The following RNGTT variants were observed in gnomAD, a reference collection of about 807,000 sequenced individuals.
The protein encoded by RNGTT is mRNA-capping enzyme.
A neutral mutation model predicts 79.3 loss-of-function variants in RNGTT; 33 were observed. The observed-to-expected ratio is 0.42, with a 90% confidence interval of 0.32 to 0.56. The LOEUF is 0.56. RNGTT is among the 20% of genes least tolerant of loss of function. The pLI, the probability that RNGTT is intolerant of heterozygous loss-of-function variation, is 0.17. For synonymous variants in RNGTT, 222 were observed against 235.9 expected (o/e 0.94, Z 0.54); for missense variants, 497 against 739.1 (o/e 0.67, Z 3.80).
chr6:88,862,471 T>C (rs1185388527), intron 8 of RNGTT, among the ~76,000 whole-genome samples: 1 of 152,212 alleles, frequency 6.6e-6, no homozygotes, highest in Non-Finnish European at 1.5e-5. Flanking sequence ...CTTTTCCCCA[T>C]GCTTCATCCT....
intron 13 of RNGTT, among the ~76,000 whole-genome samples, chr6:88,680,072 C>G (rs999729151): frequency 3.3e-5 from 5 of 151,998 alleles, no homozygotes; most frequent in Non-Finnish European, 7.4e-5. Flanking sequence ...AGAGTCAAAA[C>G]AAAAAACTAA....
intron 11 of RNGTT, among the ~76,000 whole-genome samples, chr6:88,833,641 T>C (rs2127891070): frequency 6.6e-6 from 1 of 152,330 alleles, no homozygotes; most frequent in East Asian, 1.9e-4. Flanking sequence ...TCCTATGGCT[T>C]TGTTAACCTG....
chr6:88,750,125 T>G (rs147960700), intron 13 of RNGTT, among the ~76,000 whole-genome samples: 5 of 152,158 alleles, frequency 3.3e-5, no homozygotes, highest in African/African-American at 1.2e-4. Flanking sequence ...CAAACCTATT[T>G]CCAAATAGGG....
At chr6:88,666,834 T>C (rs753387856) in intron 14 of RNGTT, among the ~76,000 whole-genome samples, 4 of 152,174 alleles carry the variant, frequency 2.6e-5, no homozygotes, top group Admixed American at 6.5e-5. Context: ...GCCGAACTCA[T>C]TGCTTTAACT....
intron 13 of RNGTT, among the ~76,000 whole-genome samples, chr6:88,695,743 C>G (rs925390606): frequency 7.2e-5 from 11 of 152,172 alleles, no homozygotes; most frequent in African/African-American, 2.4e-4. Flanking sequence ...GTTATGGAAT[C>G]AACCTAAATG....
chr6:88,739,541 A>C (rs1303900400), intron 13 of RNGTT, among the ~76,000 whole-genome samples: 1 of 151,934 alleles, frequency 6.6e-6, no homozygotes, highest in Non-Finnish European at 1.5e-5. Flanking sequence ...AAGTAATTAG[A>C]GAGCTTTTGC....
chr6:88,710,847 A>AT (rs1213052701), intron 13 of RNGTT, among the ~76,000 whole-genome samples: 1 of 152,072 alleles, frequency 6.6e-6, no homozygotes, highest in Non-Finnish European at 1.5e-5. Context: ...TTTCACAGTG[A>AT]TTTTTTTTAA....
intron 2 of RNGTT, among the ~76,000 whole-genome samples, chr6:88,933,338 C>T (rs565959019): frequency 1.3e-5 from 2 of 152,180 alleles, no homozygotes; most frequent in Non-Finnish European, 2.9e-5. Context: ...CCTTACCCTG[C>T]TACCAAAAAT....
chr6:88,753,842 T>C (rs1777919827), intron 13 of RNGTT, among the ~76,000 whole-genome samples: 1 of 152,114 alleles, frequency 6.6e-6, no homozygotes, highest in Admixed American at 6.5e-5. Context: ...AGCTTCTTAC[T>C]AGGGACAGGG....
At chr6:88,842,499 G>T (rs1393205830) in intron 11 of RNGTT, among the ~76,000 whole-genome samples, 1 of 151,940 alleles carries the variant, frequency 6.6e-6, no homozygotes, top group Non-Finnish European at 1.5e-5. Context: ...AAATGGAGAA[G>T]ATGAGGCATA....
At chr6:88,841,656 G>A (rs1210473015) in intron 11 of RNGTT, among the ~76,000 whole-genome samples, 1 of 152,150 alleles carries the variant, frequency 6.6e-6, no homozygotes, top group East Asian at 1.9e-4. Flanking sequence ...GATGCCACGT[G>A]CAATTTTAAT....
chr6:88,791,708 T>G (rs1206026542), intron 12 of RNGTT, among the ~76,000 whole-genome samples: 2 of 151,896 alleles, frequency 1.3e-5, no homozygotes, highest in East Asian at 1.9e-4. Flanking sequence ...CCCGGCTAAT[T>G]TTTTGTATTT....
At chr6:88,792,706 T>C (rs9344874) in intron 12 of RNGTT, among the ~76,000 whole-genome samples, 19,557 of 152,172 alleles carry the variant, frequency 0.13, 1,438 homozygotes, top group Middle Eastern at 0.23. Context: ...GTGGAATACA[T>C]AAGACCACTC....
At chr6:88,837,684 C>T (rs1781127025) in intron 11 of RNGTT, among the ~76,000 whole-genome samples, 1 of 151,822 alleles carries the variant, frequency 6.6e-6, no homozygotes, top group South Asian at 2.1e-4. Flanking sequence ...TCATATAATT[C>T]CTGAGATAAA....
chr6:88,939,357 C>T (rs962163974), intron 2 of RNGTT, among the ~76,000 whole-genome samples: 1 of 152,102 alleles, frequency 6.6e-6, no homozygotes, highest in African/African-American at 2.4e-5. Flanking sequence ...TCTTCAAGTT[C>T]TGAGATTCTT....
At chr6:88,719,988 A>T (rs1220845339) in intron 13 of RNGTT, among the ~76,000 whole-genome samples, 1 of 152,198 alleles carries the variant, frequency 6.6e-6, no homozygotes, top group Non-Finnish European at 1.5e-5. Context: ...TTTGGTGCAC[A>T]GTAAAGAATA....
At chr6:88,725,926 A>C (rs903747983) in intron 13 of RNGTT, among the ~76,000 whole-genome samples, 3 of 151,984 alleles carry the variant, frequency 2.0e-5, no homozygotes, top group African/African-American at 7.3e-5. Context: ...AGAAACAGAG[A>C]GAAAGAGACA....
rs76903080 is a variant in RNGTT at position 88,935,280 on chromosome 6, G to T, written c.174+5791C>A. 2.1e-3 allele frequency among the ~76,000 whole-genome samples: 327 copies of T among 152,234 alleles called. 1 individual carries two copies. Among genetic ancestry groups the T allele is most frequent in the African/African-American group, 7.3e-3 (302 of 41,554 alleles). On this transcript the variant is annotated intron_variant, in intron 2 of 15. Transcript: ENST00000369485. ...CTGGATTCTCTATTCTGTTCCATTA[G>T]TCTGTTTTTACACCAATGCCATGCT...
intron 12 of RNGTT, among the ~76,000 whole-genome samples, chr6:88,789,419 G>C (rs1444636762): frequency 6.6e-6 from 1 of 152,182 alleles, no homozygotes; most frequent in African/African-American, 2.4e-5. Flanking sequence ...AATTAGCTGG[G>C]CATGGTGGGG....
Sources: gnomAD v4.1 joint callset for allele counts (sites outside exome capture counted in the v4.1 genomes callset) on GRCh38, gnomAD v4.1.1 for gene constraint, MANE v1.5 for transcripts, NCBI Gene and HGNC (gene_info 2026-07-23, HGNC 2026-07-21) for gene names.